The following XPC variants were observed in gnomAD, a reference collection of about 807,000 sequenced individuals.
XPC encodes XPC complex subunit, DNA damage recognition and repair factor.
In XPC, 76 loss-of-function variants were observed where a neutral mutation model predicts 95.8. The observed-to-expected ratio is 0.79, with a 90% CI of 0.66 to 0.96. XPC has a LOEUF of 0.96. XPC is among the 40% of genes least tolerant of loss of function. The pLI is 0.00. For missense variants in XPC, 1,146 were observed against 1,179.8 expected, an observed-to-expected ratio of 0.97 and a Z score of 0.42; for synonymous variants, 442 against 442.1, an observed-to-expected ratio of 1.00 and a Z score of 0.00.
rs775220541 is a variant in XPC at position 14,158,438 on chromosome 3, C to T, written c.1445G>A (p.Ser482Asn). 3.1e-6 allele frequency: 5 copies of T among 1,613,622 alleles called. No homozygotes were observed. In the African/African-American group the frequency reaches 6.7e-5, roughly 22 times the overall value. ...GCTCCCACGATGGGTCCTGGAGGCACTCTTGGACCCAGCCTTTGTCCTCTG... is the reference window on the plus strand; with the variant it reads ...GCTCCCACGATGGGTCCTGGAGGCATTCTTGGACCCAGCCTTTGTCCTCTG... ...APQRTKAGSK[S>N]ASRTHRGSHR... The change falls in exon 9 of 16, where the codon AGT (serine) becomes AAT (asparagine). Residue 482 changes from serine to asparagine, a missense_variant. By Grantham distance (46) the Ser-to-Asn change is conservative. Transcript: ENST00000285021. This position sits in a 1 kb window ranked among gnomAD's most constrained non-coding sequence, Gnocchi z 5.2.
At chr3:14,153,487 C>G (rs1695780198) in intron 10 of XPC, 1 of 152,444 alleles carries the variant, frequency 6.6e-6, no homozygotes, top group South Asian at 2.1e-4. Context: ...ACAGCTTTAC[C>G]CAACTGTAGG....
chr3:14,165,374 G>C (rs1331363486), intron 6 of XPC, 54 bp downstream of exon 6: 6 of 1,517,384 alleles, frequency 4.0e-6, no homozygotes, highest in Middle Eastern at 2.3e-4. Flanking sequence ...CAGCCTCTGA[G>C]AGAAACACAA....
Position 14,145,973 on chromosome 3 carries a change from C to CTG in XPC, c.2789_2790dup (p.Ala931GlnfsTer17). The CTG allele has an allele frequency of 6.2e-7, 1 of 1,608,458 alleles. No homozygotes were observed. Among genetic ancestry groups the CTG allele is most frequent in the Non-Finnish European group, 8.5e-7 (1 of 1,175,858 alleles). ...TGCTCAAATGGGAACAGGTGGGAAGCTGCTGCTTTCTTTTCCCTTTTGGTC... is the reference window on the plus strand; with the variant it reads ...TGCTCAAATGGGAACAGGTGGGAAGCTGTGCTGCTTTCTTTTCCCTTTTGGTC... On this transcript the variant is annotated frameshift_variant, in exon 16 of 16. Coordinates refer to ENST00000285021, the MANE Select transcript of XPC (RefSeq NM_004628.5). LOFTEE classifies it high-confidence loss of function.
intron 7 of XPC, among the ~76,000 whole-genome samples, chr3:14,160,349 TTAAC>T (rs1696120054): frequency 6.6e-6 from 1 of 152,204 alleles, no homozygotes; most frequent in Admixed American, 6.5e-5. Context: ...CATTGAATCT[TTAAC>T]TGAGTCTGCA....
At chr3:14,155,201 C>T (rs1255634016) in intron 10 of XPC, among the ~76,000 whole-genome samples, 1 of 152,204 alleles carries the variant, frequency 6.6e-6, no homozygotes, top group Non-Finnish European at 1.5e-5. Flanking sequence ...CCATGGGGGG[C>T]TGACAAGCAG....
At chr3:14,167,315 C>G in intron 4 of XPC, 62 bp from the exon 5 acceptor site, 1 of 1,389,440 alleles carries the variant, frequency 7.2e-7, no homozygotes, top group Non-Finnish European at 9.9e-7. Context: ...CTCCACTCCC[C>G]CAGGCAATTC....
intron 4 of XPC, among the ~76,000 whole-genome samples, chr3:14,167,603 ATTAATG>A (rs1258618232): frequency 1.3e-5 from 2 of 152,212 alleles, no homozygotes; most frequent in African/African-American, 4.8e-5. Flanking sequence ...CATTACCTTT[ATTAATG>A]TTAAATTAAC....
chr3:14,145,497 A>G lies in XPC; in HGVS notation c.*444T>C. 1 of 698,282 alleles carries G rather than the reference A, an allele frequency of 1.4e-6. No individual in the cohort carries two copies. The highest frequency in any genetic ancestry group is 2.6e-6 in the Non-Finnish European group (1 of 383,062). 43.3% of individuals were successfully genotyped at this position (698,282 alleles called of 1,614,324 possible). The stretch of plus-strand genomic sequence containing the variant: ...AGAAATGGTCCTAGGTCCGCAACCG[A>G]GGCGAGTGAACTTGTCGGACAGATG... On this transcript the variant is annotated 3_prime_UTR_variant, in exon 16 of 16. Coordinates refer to ENST00000285021, the MANE Select transcript of XPC (RefSeq NM_004628.5).
Position 14,158,632 on chromosome 3 carries a change from C to T in XPC, c.1251G>A (p.Pro417=), listed in dbSNP as rs767903129. The change falls in exon 9 of 16, where the codon CCG becomes CCA. Residue 417 remains proline (P), a synonymous_variant. Transcript: ENST00000285021. The surrounding 1 kb of genome is among the most constrained non-coding windows in gnomAD (Gnocchi z 5.2). ...DKQEKATQRR[P]HGRERRVASR... ...AGGCCACCCGCCGCTCCCGGCCATG[C>T]GGACGTCGCTGGGTTGCCTTCTCCT... is the stretch of plus-strand genomic sequence containing the variant. The T allele has an allele frequency of 3.1e-6, 5 of 1,613,858 alleles. No homozygotes were observed. In the South Asian group the frequency reaches 3.3e-5, roughly 11 times the overall value.
chr3:14,174,598 A>G (rs910522332), intron 1 of XPC, among the ~76,000 whole-genome samples: 1 of 152,270 alleles, frequency 6.6e-6, no homozygotes, highest in Admixed American at 6.5e-5. Context: ...TGTTCATAGT[A>G]TTCAAAAGCA....
intron 9 of XPC, among the ~76,000 whole-genome samples, chr3:14,157,445 G>A (rs1695962728): frequency 6.6e-6 from 1 of 152,166 alleles, no homozygotes; most frequent in South Asian, 2.1e-4. Flanking sequence ...TATTCCTGGT[G>A]TCAGTGCTGG....
intron 14 of XPC, 176 bp downstream of exon 14, chr3:14,147,732 C>T (rs1012507511): frequency 3.0e-5 from 19 of 623,800 alleles, no homozygotes; most frequent in East Asian, 5.6e-5. Context: ...TGATAGTCTG[C>T]GGGGTGGGCA....
intron 9 of XPC, among the ~76,000 whole-genome samples, chr3:14,157,799 C>T (rs1451653448): frequency 6.6e-6 from 1 of 152,190 alleles, no homozygotes; most frequent in Non-Finnish European, 1.5e-5. Context: ...GACCTGGGCT[C>T]AAGCACCGCG....
intron 7 of XPC, among the ~76,000 whole-genome samples, chr3:14,160,988 T>C (rs1278672866): frequency 6.6e-6 from 1 of 152,208 alleles, no homozygotes; most frequent in Non-Finnish European, 1.5e-5. Flanking sequence ...TACCCAAGCA[T>C]ACACAGTCAC....
chr3:14,176,212 G>A (rs1365209584), intron 1 of XPC, among the ~76,000 whole-genome samples: 1 of 152,232 alleles, frequency 6.6e-6, no homozygotes, highest in Non-Finnish European at 1.5e-5. Flanking sequence ...GAGCTGGGAA[G>A]AATACAGGTA....
chr3:14,163,714 T>C (rs1425484802), intron 7 of XPC, among the ~76,000 whole-genome samples: 2 of 152,256 alleles, frequency 1.3e-5, no homozygotes, highest in Non-Finnish European at 2.9e-5. Context: ...AAATGGTCAC[T>C]GAATTGTACC....
At chr3:14,165,173 TC>T (rs541914834) in intron 6 of XPC, among the ~76,000 whole-genome samples, 56 of 152,142 alleles carry the variant, frequency 3.7e-4, no homozygotes, top group Non-Finnish European at 6.5e-4. Flanking sequence ...GAGCCTGCAG[TC>T]CCCAGAACAC....
chr3:14,165,396 C>G, intron 6 of XPC, 32 bp downstream of exon 6: 1 of 1,555,462 alleles, frequency 6.4e-7, no homozygotes, highest in Non-Finnish European at 8.7e-7. Context: ...TCCTACACTC[C>G]CCAGCTCTGC....
At chr3:14,178,374 C>T in intron 1 of XPC, 92 bp downstream of exon 1, 11 of 1,403,792 alleles carry the variant, frequency 7.8e-6, no homozygotes, top group Non-Finnish European at 8.5e-6. Flanking sequence ...CAACCTCCAC[C>T]AGGCCTCCGC....
Sources: allele counts gnomAD v4.1 joint callset (sites outside exome capture counted in the v4.1 genomes callset), GRCh38; gene constraint gnomAD v4.1.1; non-coding constraint Gnocchi (gnomAD v3.1); transcripts MANE v1.5; gene names NCBI Gene and HGNC (gene_info 2026-07-23, HGNC 2026-07-21).